The following FGD3 variants were observed in gnomAD, a reference collection of about 807,000 sequenced individuals.
The protein encoded by FGD3 is FYVE, RhoGEF and PH domain-containing protein 3.
A neutral mutation model predicts 71.8 loss-of-function variants in FGD3; 45 were observed. That is an observed-to-expected ratio of 0.63 (90% CI 0.49 to 0.80). The LOEUF is 0.80. Ranked by LOEUF, FGD3 falls within the 30% of genes least tolerant of loss-of-function variation. FGD3 has a pLI of 0.00. For synonymous variants in FGD3, 378 were observed against 392.8 expected (o/e 0.96, Z 0.44); for missense variants, 844 against 951.5 (o/e 0.89, Z 1.49).
At chr9:92,991,998 G>A (rs79528555) in intron 3 of FGD3, among the ~76,000 whole-genome samples, 1,631 of 152,170 alleles carry the variant, frequency 0.011, 15 homozygotes, top group Middle Eastern at 0.02. Context: ...TGTTTACATG[G>A]ACTATCTTTT....
intron 1 of FGD3, chr9:92,964,409 G>A (rs1384233366): frequency 6.6e-6 from 1 of 152,250 alleles, no homozygotes; most frequent in African/African-American, 2.4e-5. Flanking sequence ...AACTGCTTTT[G>A]TGGAACTTTG....
At chr9:92,960,881 G>T (rs7035881) in intron 1 of FGD3, among the ~76,000 whole-genome samples, 32,487 of 151,922 alleles carry the variant, frequency 0.21, 4,349 homozygotes, top group African/African-American at 0.37. Context: ...ATCCCCCCGG[G>T]CCTCTCTCCT....
intron 1 of FGD3, among the ~76,000 whole-genome samples, chr9:92,951,345 T>C (rs1368143482): frequency 6.6e-6 from 1 of 152,172 alleles, no homozygotes; most frequent in Non-Finnish European, 1.5e-5. Flanking sequence ...GAATTTTTCA[T>C]TGAAATGTGT....
At chr9:93,035,203 C>T in intron 17 of FGD3, 135 bp from the exon 18 acceptor site, 1 of 1,303,760 alleles carries the variant, frequency 7.7e-7, no homozygotes, top group Non-Finnish European at 1.0e-6. Flanking sequence ...GCACAGCCAC[C>T]AGACCCCTCG....
chr9:93,024,539 G>A (rs1564169731), intron 14 of FGD3, among the ~76,000 whole-genome samples: 1 of 152,260 alleles, frequency 6.6e-6, no homozygotes, highest in Admixed American at 6.5e-5. Flanking sequence ...CAGTCCTGCC[G>A]CAGAGGCATC....
intron 5 of FGD3, 101 bp from the exon 6 acceptor site, chr9:93,005,923 C>T: frequency 1.5e-6 from 2 of 1,341,752 alleles, no homozygotes; most frequent in South Asian, 1.5e-5. Flanking sequence ...TCACACAGAG[C>T]TGGCCTCCAC....
rs376360399 is a variant in FGD3 at position 93,018,182 on chromosome 9, C to G, written c.1322C>G (p.Thr441Arg). The change falls in exon 11 of 18, where the codon ACA becomes AGA. Residue 441 changes from threonine to arginine, a missense_variant. Physicochemically the swap from Thr to Arg is moderately conservative, Grantham distance 71. Coordinates refer to ENST00000375482, the MANE Select transcript of FGD3 (RefSeq NM_001083536.2). ...AACACAGCACATACATTCATCATAA[C>G]AGGAAGAAAAAGGTCCCTGGAGCTG... is the stretch of plus-strand genomic sequence containing the variant. Reference protein sequence around the residue: ...KPNTAHTFIITGRKRSLELQT... With the variant: ...KPNTAHTFIIRGRKRSLELQT... The G allele has an allele frequency of 6.2e-7, 1 of 1,614,094 alleles. No individual in the cohort carries two copies. The highest frequency in any genetic ancestry group is 8.5e-7 in the Non-Finnish European group (1 of 1,179,988).
chr9:93,000,666 G>C (rs573511562), intron 3 of FGD3, among the ~76,000 whole-genome samples: 1 of 152,076 alleles, frequency 6.6e-6, no homozygotes, highest in Admixed American at 6.5e-5. Context: ...TCTTATGGAA[G>C]ACCCCTTACA....
intron 3 of FGD3, among the ~76,000 whole-genome samples, chr9:92,991,065 ATTTGTTTGTTTG>A (rs144744941): frequency 7.9e-5 from 12 of 151,168 alleles, no homozygotes; most frequent in Admixed American, 1.3e-4. Flanking sequence ...TTGTTTGGAG[ATTTGTTTGTTTG>A]TTTGTTTGTT....
intron 1 of FGD3, among the ~76,000 whole-genome samples, chr9:92,971,566 C>CTTTTTTTTTTTT (rs869043960): frequency 1.5e-4 from 6 of 39,566 alleles, no homozygotes; most frequent in Non-Finnish European, 2.3e-4. Context: ...CTTTTCTTTT[C>CTTTTTTTTTTTT]TTTTTTTTTT....
intron 3 of FGD3, among the ~76,000 whole-genome samples, chr9:92,991,697 T>A (rs896342411): frequency 6.6e-6 from 1 of 152,186 alleles, no homozygotes; most frequent in Non-Finnish European, 1.5e-5. Flanking sequence ...TTAAATCTGA[T>A]GTGTCTTTGA....
Position 92,976,413 on chromosome 9 carries a change from G to C in FGD3, c.157G>C (p.Gly53Arg). 6.2e-7 allele frequency: 1 copy of C among 1,611,644 alleles called. No individual in the cohort carries two copies. Among genetic ancestry groups the C allele is most frequent in the Non-Finnish European group, 8.5e-7 (1 of 1,179,350 alleles). The change falls in exon 3 of 18, where the codon GGG becomes CGG. Residue 53 changes from glycine to arginine, a missense_variant. Transcript: ENST00000375482. ...CGDPVSLAAAGDGSPDIGPTG... is the reference protein window; with the variant it reads ...CGDPVSLAAARDGSPDIGPTG... ...GGACCCTGTCAGCCTGGCTGCAGCA[G>C]GGGACGGCTCTCCAGACATAGGCCC...
At chr9:93,006,624 T>A (rs1861065597) in intron 6 of FGD3, among the ~76,000 whole-genome samples, 1 of 152,250 alleles carries the variant, frequency 6.6e-6, no homozygotes, top group Non-Finnish European at 1.5e-5. Flanking sequence ...ATAGGGCTGG[T>A]CTCTTTCTTC....
chr9:92,962,291 G>T (rs777730888), intron 1 of FGD3, among the ~76,000 whole-genome samples: 1 of 152,238 alleles, frequency 6.6e-6, no homozygotes, highest in African/African-American at 2.4e-5. Context: ...GACGACAGTT[G>T]TGTATTCCTA....
rs554078307 is a variant in FGD3, at chr9:92,988,212, C to T, written c.453+11503C>T. On this transcript the variant is annotated intron_variant, in intron 3 of 17. Coordinates refer to ENST00000375482, the MANE Select transcript of FGD3 (RefSeq NM_001083536.2). The stretch of plus-strand genomic sequence containing the variant: ...AGATTGAATACCAGGCCACCACACA[C>T]TAGTTGAAGAGGCCAGGCTTCTCCC... 2.0e-5 allele frequency among the ~76,000 whole-genome samples: 3 copies of T among 152,358 alleles called. No homozygotes were observed. In the South Asian group the frequency reaches 6.2e-4, roughly 32 times the overall value.
intron 1 of FGD3, among the ~76,000 whole-genome samples, chr9:92,968,663 G>A (rs1859427274): frequency 6.8e-6 from 1 of 146,798 alleles, no homozygotes; most frequent in South Asian, 2.1e-4. Flanking sequence ...GAGTGCAGTG[G>A]TGTGATCTCC....
At chr9:93,014,987 C>G (rs1235738212) in intron 9 of FGD3, among the ~76,000 whole-genome samples, 1 of 151,410 alleles carries the variant, frequency 6.6e-6, no homozygotes, top group African/African-American at 2.4e-5. Context: ...TTGTCCCACC[C>G]CTTTGTGAGC....
chr9:93,011,096 G>T, intron 7 of FGD3, 118 bp from the exon 8 acceptor site: 1 of 1,068,348 alleles, frequency 9.4e-7, no homozygotes. Flanking sequence ...CAGGCACCCT[G>T]GGAAAGGCTG....
intron 11 of FGD3, among the ~76,000 whole-genome samples, chr9:93,018,761 T>C (rs1045599804): frequency 6.6e-6 from 1 of 152,222 alleles, no homozygotes; most frequent in Non-Finnish European, 1.5e-5. Flanking sequence ...GCGGTTTTAG[T>C]ACCAAGGGAA....
Sources: allele counts gnomAD v4.1 joint callset (sites outside exome capture counted in the v4.1 genomes callset), GRCh38; gene constraint gnomAD v4.1.1; transcripts MANE v1.5; gene names NCBI Gene and HGNC (gene_info 2026-07-23, HGNC 2026-07-21).